Variants in DTWD1 observed in about 807,000 individuals in gnomAD.
The protein encoded by DTWD1 is tRNA-uridine aminocarboxypropyltransferase 1.
A neutral mutation model predicts 30.2 loss-of-function variants in DTWD1; 27 were observed. The observed-to-expected ratio is 0.90, with a 90% confidence interval of 0.66 to 1.23. DTWD1 has a LOEUF of 1.23. Ranked by LOEUF, DTWD1 falls within the 50% of genes most tolerant of loss-of-function variation. The pLI is 0.00. For missense variants in DTWD1, 342 were observed against 348.8 expected (o/e 0.98, Z 0.15); for synonymous variants, 99 against 113.1 (o/e 0.88, Z 0.79).
rs1216868830 is a variant in DTWD1, at chr15:49,621,111, G to A, written c.-67G>A. 2.0e-5 allele frequency: 3 copies of A among 152,412 alleles called. No individual in the cohort carries two copies. The highest frequency in any genetic ancestry group is 7.2e-5 in the African/African-American group (3 of 41,458). 9.4% of individuals were successfully genotyped at this position (152,412 alleles called of 1,614,324 possible). ...GACGTGTGGAGCTGTTCGAGGACTC[G>A]CGGGTGTGCAGGTCTGAGTACCACT... On this transcript the variant is annotated 5_prime_UTR_variant, in exon 1 of 5. Coordinates refer to ENST00000403028, the MANE Select transcript of DTWD1 (RefSeq NM_001144955.2).
chr15:49,632,823 A>G (rs1172318788), intron 3 of DTWD1, among the ~76,000 whole-genome samples: 1 of 151,976 alleles, frequency 6.6e-6, no homozygotes, highest in African/African-American at 2.4e-5. Context: ...CCCAGTTGCA[A>G]TTGTCACATT....
At position 49,655,408 on chromosome 15, in the gene DTWD1, C is replaced by T. The variant is rs538577450; in HGVS notation, c.*11830C>T. 12 of 151,964 alleles carry T rather than the reference C, an allele frequency of 7.9e-5. No homozygotes were observed. The highest frequency in any genetic ancestry group is 6.2e-4 in the South Asian group (3 of 4,822). 9.4% of individuals were successfully genotyped at this position (151,964 alleles called of 1,614,324 possible). On this transcript the variant is annotated 3_prime_UTR_variant, in exon 5 of 5. Coordinates refer to ENST00000403028, the MANE Select transcript of DTWD1 (RefSeq NM_001144955.2). ...TATGAAGAAAAGACCTGTAGAAAAT[C>T]GGGCCTACGTACCTCTATTTTTTTT...
At chr15:49,636,247 A>G (rs957985475) in intron 4 of DTWD1, among the ~76,000 whole-genome samples, 6 of 151,884 alleles carry the variant, frequency 4.0e-5, no homozygotes, top group Admixed American at 2.6e-4. Context: ...TTATCTATTT[A>G]TCTGTTGATG....
At chr15:49,636,744 A>G (rs1045612346) in intron 4 of DTWD1, among the ~76,000 whole-genome samples, 2 of 152,186 alleles carry the variant, frequency 1.3e-5, no homozygotes, top group African/African-American at 4.8e-5. Flanking sequence ...ACTCTCAGAA[A>G]TGAACCTTTT....
intron 4 of DTWD1, among the ~76,000 whole-genome samples, chr15:49,635,943 A>G (rs1324561278): frequency 1.3e-5 from 2 of 152,140 alleles, no homozygotes; most frequent in Admixed American, 6.6e-5. Flanking sequence ...CCCCTGCCAA[A>G]GTTTCTGCCT....
chr15:49,638,979 T>A (rs2079034564), intron 4 of DTWD1, among the ~76,000 whole-genome samples: 1 of 152,124 alleles, frequency 6.6e-6, no homozygotes. Flanking sequence ...TATATTTAAA[T>A]GGCATTATAC....
rs753975715 is a variant in DTWD1 at position 49,643,389 on chromosome 15, A to C, written c.726A>C (p.Gly242=). The C allele has an allele frequency of 6.3e-7, 1 of 1,584,402 alleles. No homozygotes were observed. Among genetic ancestry groups the C allele is most frequent in the African/African-American group, 1.4e-5 (1 of 72,360 alleles). Residue 242 remains glycine (G), a synonymous_variant, in exon 5 of 5, where the codon GGA becomes GGC. Transcript: ENST00000403028. The stretch of plus-strand genomic sequence containing the variant: ...CTTGCTTTTGGCGCCATCAAAAAGG[A>C]AAGCCAGATACTTTCCTTTCTACAA... ...RKTCFWRHQK[G]KPDTFLSTIE... is the part of the protein sequence containing the mutation.
At position 49,655,012 on chromosome 15, in the gene DTWD1, T is replaced by G. The variant is rs1451199196; in HGVS notation, c.*11434T>G. On this transcript the variant is annotated 3_prime_UTR_variant, in exon 5 of 5. Coordinates refer to ENST00000403028, the MANE Select transcript of DTWD1 (RefSeq NM_001144955.2). ...TTGTCCCCTTATAAGGGCACCAATC[T>G]CATCATGGAGGGTCTTCAACCTCAT... 1 of 152,022 alleles carries G rather than the reference T, an allele frequency of 6.6e-6. No homozygotes were observed. 9.4% of individuals were successfully genotyped at this position (152,022 alleles called of 1,614,324 possible). A position where few individuals can be genotyped will look rare whatever the true frequency, so the allele number is the denominator to read the frequency against.
chr15:49,627,070 T>TATA (rs981765963), intron 2 of DTWD1, among the ~76,000 whole-genome samples: 1 of 152,066 alleles, frequency 6.6e-6, no homozygotes, highest in Non-Finnish European at 1.5e-5. Context: ...GATTGCATAT[T>TATA]ATAATAATAA....
At position 49,642,667 on chromosome 15, in the gene DTWD1, C is replaced by T. The variant is rs941400623; in HGVS notation, c.668-664C>T. On this transcript the variant is annotated intron_variant, in intron 4 of 4. Coordinates refer to ENST00000403028, the MANE Select transcript of DTWD1 (RefSeq NM_001144955.2). ...GTAGCTCATGCCTATAATCCCAGCA[C>T]TTTGAGAGGCAGAGGCCAAGGCAGG... 3.3e-5 allele frequency among the ~76,000 whole-genome samples: 5 copies of T among 152,126 alleles called. No homozygotes were observed. The East Asian group carries it at 9.6e-4, about 29-fold the overall frequency.
chr15:49,634,536 G>T lies in DTWD1; in HGVS notation c.409G>T (p.Val137Phe), dbSNP rs1304945848. ...GCTAACCCAATTTTCTTTGTTTTAG[G>T]TTGCACTCATTTTTCCTGGACCTCA... Reference protein sequence around the residue: ...IPEYEEKDHEVALIFPGPQSI... With the variant: ...IPEYEEKDHEFALIFPGPQSI... The change falls in exon 4 of 5, where the codon GTT (valine) becomes TTT (phenylalanine). Residue 137 changes from valine (V) to phenylalanine (F), a missense_variant and splice_region_variant. Coordinates refer to ENST00000403028, the MANE Select transcript of DTWD1 (RefSeq NM_001144955.2). 2 of 1,605,382 alleles carry T rather than the reference G, an allele frequency of 1.2e-6. No homozygotes were observed. The highest frequency in any genetic ancestry group is 8.5e-7 in the Non-Finnish European group (1 of 1,176,444).
chr15:49,636,844 A>G (rs1029882595), intron 4 of DTWD1, among the ~76,000 whole-genome samples: 3 of 152,310 alleles, frequency 2.0e-5, no homozygotes, highest in South Asian at 2.1e-4. Flanking sequence ...CAAATTGTCT[A>G]TCATTTGTGA....
At chr15:49,630,358 A>G (rs2078903156) in intron 2 of DTWD1, among the ~76,000 whole-genome samples, 1 of 152,224 alleles carries the variant, frequency 6.6e-6, no homozygotes, top group Non-Finnish European at 1.5e-5. Context: ...CCAGGGTAAA[A>G]TAGTGTGCCC....
At chr15:49,634,896 A>C (rs28671247) in intron 4 of DTWD1, 102 bp downstream of exon 4, 1 of 1,064,270 alleles carries the variant, frequency 9.4e-7, no homozygotes, top group African/African-American at 1.6e-5. Flanking sequence ...CTGAATACCT[A>C]TACATTTTGC....
chr15:49,630,737 C>A (rs945367681), intron 2 of DTWD1: 1 of 152,974 alleles, frequency 6.5e-6, no homozygotes, highest in African/African-American at 2.4e-5. Context: ...CCCCAGACCA[C>A]AGACCAGTAC....
chr15:49,626,222 A>T (rs1288905650), intron 2 of DTWD1, among the ~76,000 whole-genome samples: 1 of 152,132 alleles, frequency 6.6e-6, no homozygotes, highest in Non-Finnish European at 1.5e-5. Flanking sequence ...ATGTCTTTGG[A>T]CTGCTCCTTG....
chr15:49,633,830 T>C (rs943628033), intron 3 of DTWD1, among the ~76,000 whole-genome samples: 2 of 152,204 alleles, frequency 1.3e-5, no homozygotes, highest in Admixed American at 6.5e-5. Flanking sequence ...TGTTCAGACA[T>C]TGGAAGCTCT....
chr15:49,623,640 A>G (rs975681123), intron 1 of DTWD1: 9 of 152,194 alleles, frequency 5.9e-5, no homozygotes, highest in African/African-American at 2.2e-4. Flanking sequence ...AATTGTGTGC[A>G]AAATATTGTG....
chr15:49,631,629 G>A (rs1292498264), intron 2 of DTWD1, among the ~76,000 whole-genome samples: 1 of 152,114 alleles, frequency 6.6e-6, no homozygotes, highest in African/African-American at 2.4e-5. Context: ...GCTGGGCATG[G>A]TGGCAGGTGC....
Sources: gnomAD v4.1 joint callset for allele counts (sites outside exome capture counted in the v4.1 genomes callset) on GRCh38, gnomAD v4.1.1 for gene constraint, MANE v1.5 for transcripts, NCBI Gene and HGNC (gene_info 2026-07-23, HGNC 2026-07-21) for gene names.